CSMD3: variants seen among roughly 807,000 people sequenced by gnomAD.
CSMD3 encodes the protein CUB and sushi domain-containing protein 3.
A neutral mutation model predicts 435.2 loss-of-function variants in CSMD3; 177 were observed. The observed-to-expected ratio is 0.41, with a 90% CI of 0.36 to 0.46. The LOEUF (loss-of-function observed/expected upper bound fraction) is 0.46. CSMD3 is among the 20% of genes least tolerant of loss of function. The pLI, the probability that CSMD3 is intolerant of heterozygous loss-of-function variation, is 0.34. For missense variants in CSMD3, 4,265 were observed against 4,504.6 expected (o/e 0.95, Z 1.52); for synonymous variants, 1,656 against 1,520.5 (o/e 1.09, Z -2.07).
At chr8:113,091,548 T>C (rs2090001243) in intron 5 of CSMD3, among the ~76,000 whole-genome samples, 1 of 152,078 alleles carries the variant, frequency 6.6e-6, no homozygotes, top group African/African-American at 2.4e-5. Flanking sequence ...TTTTCCAATT[T>C]ATTGGCATAT....
chr8:113,030,691 C>T (rs901440633), intron 5 of CSMD3, among the ~76,000 whole-genome samples: 3 of 151,090 alleles, frequency 2.0e-5, no homozygotes, highest in African/African-American at 7.3e-5. Context: ...TTAAACACTT[C>T]TGCTATGAAG....
chr8:113,030,803 G>A (rs550870325), intron 5 of CSMD3, among the ~76,000 whole-genome samples: 1 of 151,440 alleles, frequency 6.6e-6, no homozygotes, highest in African/African-American at 2.4e-5. Flanking sequence ...AGTATATAAA[G>A]AATTCCCAAA....
chr8:113,066,087 C>T (rs1263763497), intron 5 of CSMD3, among the ~76,000 whole-genome samples: 2 of 142,486 alleles, frequency 1.4e-5, no homozygotes, highest in African/African-American at 2.6e-5. Flanking sequence ...TTTGGAAACC[C>T]TTATTCTTGC....
At chr8:113,152,654 A>G (rs994536730) in intron 4 of CSMD3, among the ~76,000 whole-genome samples, 2 of 151,970 alleles carry the variant, frequency 1.3e-5, no homozygotes, top group Non-Finnish European at 2.9e-5. Flanking sequence ...TCTAGGTAGC[A>G]TTTTTCAAAA....
At chr8:113,399,737 T>C (rs901404876) in intron 1 of CSMD3, among the ~76,000 whole-genome samples, 8 of 151,864 alleles carry the variant, frequency 5.3e-5, no homozygotes, top group Admixed American at 1.3e-4. Flanking sequence ...TAAAATTAGA[T>C]TGTGGAGATG....
At chr8:113,360,863 G>A (rs2094270765) in intron 1 of CSMD3, among the ~76,000 whole-genome samples, 2 of 152,122 alleles carry the variant, frequency 1.3e-5, no homozygotes, top group South Asian at 4.1e-4. Context: ...GTGAGCCACC[G>A]CGCCCGGCCG....
chr8:113,298,882 T>G (rs1202555477), intron 2 of CSMD3, among the ~76,000 whole-genome samples: 1 of 152,172 alleles, frequency 6.6e-6, no homozygotes, highest in African/African-American at 2.4e-5. Flanking sequence ...CTGCACACAA[T>G]GCCTATATCA....
At chr8:113,262,425 C>T (rs2093434669) in intron 3 of CSMD3, among the ~76,000 whole-genome samples, 1 of 151,882 alleles carries the variant, frequency 6.6e-6, no homozygotes, top group Non-Finnish European at 1.5e-5. Flanking sequence ...GGCATAATTC[C>T]ACTATTGGCT....
chr8:112,916,143 T>C (rs538423863), intron 10 of CSMD3, among the ~76,000 whole-genome samples: 1 of 151,898 alleles, frequency 6.6e-6, no homozygotes, highest in Non-Finnish European at 1.5e-5. Context: ...GAGATTTTCC[T>C]GCTATGTACC....
intron 22 of CSMD3, among the ~76,000 whole-genome samples, chr8:112,601,442 G>A (rs1461259120): frequency 3.3e-5 from 5 of 152,018 alleles, no homozygotes; most frequent in East Asian, 3.9e-4. Context: ...ACTCAGAGGC[G>A]AATAAGATAC....
intron 22 of CSMD3, among the ~76,000 whole-genome samples, chr8:112,614,535 C>A (rs777598533): frequency 6.6e-6 from 1 of 151,984 alleles, no homozygotes; most frequent in Non-Finnish European, 1.5e-5. Flanking sequence ...ACTCCCAGGG[C>A]CGTTTCCCCA....
chr8:112,969,072 C>T (rs2084537383), intron 7 of CSMD3, among the ~76,000 whole-genome samples: 3 of 151,948 alleles, frequency 2.0e-5, no homozygotes. Context: ...AAAATTGTTA[C>T]TTTCACACAA....
Position 112,690,015 on chromosome 8 carries a change from G to T in CSMD3, c.2008C>A (p.Pro670Thr). Residue 670 changes from proline to threonine, a missense_variant, in exon 14 of 71, where the codon CCC becomes ACC. Around this residue, in one of 3 missense-constraint regions of CSMD3, gnomAD observed 279 missense variants for 369.0 expected, o/e 0.76. Coordinates refer to ENST00000297405, the MANE Select transcript of CSMD3 (RefSeq NM_198123.2). ...EKESCGDPGT[P>T]LYGIREGDGF... ...TCGCCTTCTCTAATTCCATATAAGG[G>T]TGTACCAGGATCACCACAACTTTCT... 1 of 1,613,188 alleles carries T rather than the reference G, an allele frequency of 6.2e-7. No individual in the cohort carries two copies. Among genetic ancestry groups the T allele is most frequent in the Non-Finnish European group, 8.5e-7 (1 of 1,179,404 alleles).
At chr8:112,919,763 T>C (rs1400374769) in intron 10 of CSMD3, among the ~76,000 whole-genome samples, 2 of 151,890 alleles carry the variant, frequency 1.3e-5, no homozygotes, top group Non-Finnish European at 1.5e-5. Flanking sequence ...AACATTTTAC[T>C]GTTCTATTTA....
At chr8:112,913,821 C>T (rs757353791) in intron 10 of CSMD3, among the ~76,000 whole-genome samples, 1 of 151,702 alleles carries the variant, frequency 6.6e-6, no homozygotes, top group Non-Finnish European at 1.5e-5. Flanking sequence ...TTTTGAATCC[C>T]TGCTTATCCT....
At chr8:112,928,228 C>T (rs970799021) in intron 9 of CSMD3, among the ~76,000 whole-genome samples, 13 of 151,998 alleles carry the variant, frequency 8.6e-5, no homozygotes, top group African/African-American at 2.7e-4. Context: ...CAGAGAGAAA[C>T]GCAAAAGCCC....
intron 26 of CSMD3, among the ~76,000 whole-genome samples, 179 bp from the exon 27 acceptor site, chr8:112,551,052 T>A (rs947330979): frequency 2.0e-5 from 3 of 152,082 alleles, no homozygotes; most frequent in African/African-American, 7.2e-5. Flanking sequence ...TAATTTGTTT[T>A]TTTAGAATAT....
chr8:112,945,626 A>G lies in CSMD3; in HGVS notation c.1508+2164T>C, dbSNP rs180853900. 8.9e-3 allele frequency among the ~76,000 whole-genome samples: 1,074 copies of G among 120,490 alleles called. 35 individuals are homozygous for G. The East Asian group carries it at 0.13, about 14-fold the overall frequency. 79.0% of individuals were successfully genotyped at this position (120,490 alleles called of 152,430 possible). ...TGTGTGTGTGTGTGTGTGTGTGTGTATAATATTCTGAGTTTTAAATGTTGT... is the reference window on the plus strand; with the variant it reads ...TGTGTGTGTGTGTGTGTGTGTGTGTGTAATATTCTGAGTTTTAAATGTTGT... On this transcript the variant is annotated intron_variant, in intron 9 of 70. Transcript: ENST00000297405.
At chr8:113,229,675 C>G (rs533575404) in intron 3 of CSMD3, among the ~76,000 whole-genome samples, 7 of 151,600 alleles carry the variant, frequency 4.6e-5, no homozygotes, top group African/African-American at 1.7e-4. Flanking sequence ...AAATATAATG[C>G]TGACATAGAT....
Sources: gnomAD v4.1 joint callset for allele counts (sites outside exome capture counted in the v4.1 genomes callset) on GRCh38, gnomAD v4.1.1 for gene constraint, gnomAD v4.1.1 regional missense constraint, MANE v1.5 for transcripts, NCBI Gene and HGNC (gene_info 2026-07-23, HGNC 2026-07-21) for gene names.